CACNA1B: variants seen among roughly 807,000 people sequenced by gnomAD.
CACNA1B encodes the protein calcium voltage-gated channel subunit alpha1 B, also known as voltage-dependent N-type calcium channel subunit alpha-1B.
Under a neutral mutation model 247.2 loss-of-function variants are expected in CACNA1B, and 70 were observed. The ratio of observed to expected loss-of-function variants is 0.28; its 90% CI spans 0.23 to 0.35. The LOEUF is 0.35. Ranked by LOEUF, CACNA1B falls within the 10% of genes least tolerant of loss-of-function variation. The pLI, the probability that CACNA1B is intolerant of heterozygous loss-of-function variation, is 1.00. For missense variants in CACNA1B, 2,367 were observed against 3,197.4 expected (o/e 0.74, Z 6.26); for synonymous variants, 1,231 against 1,294.4 (o/e 0.95, Z 1.05).
chr9:138,115,421 G>T, intron 41 of CACNA1B, 131 bp from the exon 42 acceptor site: 1 of 937,314 alleles, frequency 1.1e-6, no homozygotes, highest in East Asian at 2.7e-5. Flanking sequence ...CCCTTGCTAA[G>T]GGGAAAGAGC....
At chr9:138,003,394 A>G (rs943611545) in intron 15 of CACNA1B, among the ~76,000 whole-genome samples, 2 of 151,706 alleles carry the variant, frequency 1.3e-5, no homozygotes, top group Non-Finnish European at 2.9e-5. Flanking sequence ...GCTGGTCTCT[A>G]TCTCCAAAGT....
At chr9:137,959,988 G>C (rs187954803) in intron 10 of CACNA1B, among the ~76,000 whole-genome samples, 1 of 152,084 alleles carries the variant, frequency 6.6e-6, no homozygotes, top group South Asian at 2.1e-4. Context: ...GCCATAGAAG[G>C]CCTGAGGAAA....
intron 6 of CACNA1B, among the ~76,000 whole-genome samples, chr9:137,949,101 TTTGTGGTGGCTGTGTGTCC>T (rs1338508586): frequency 6.6e-3 from 14 of 2,128 alleles, no homozygotes; most frequent in South Asian, 0.014. Context: ...TGTGTGCATG[TTTGTGGTGGCTGTGTGTCC>T]AGTGTGTGTG....
intron 34 of CACNA1B, among the ~76,000 whole-genome samples, chr9:138,075,530 C>T (rs145689367): frequency 2.6e-5 from 4 of 152,350 alleles, no homozygotes; most frequent in East Asian, 1.9e-4. Flanking sequence ...TCCTGTGTTA[C>T]GTGTGGCAGA....
rs1957929348 is a variant in CACNA1B at position 137,954,941 on chromosome 9, CTG to C, written c.1071-754_1071-753del. Among the ~76,000 whole-genome samples the C allele has an allele frequency of 6.6e-6, 1 of 151,032 alleles. No homozygotes were observed. Among genetic ancestry groups the C allele is most frequent in the Non-Finnish European group, 1.5e-5 (1 of 67,870 alleles). On this transcript the variant is annotated intron_variant, in intron 7 of 46. Transcript: ENST00000371372. The surrounding 1 kb of genome is among the most constrained non-coding windows in gnomAD (Gnocchi z 4.1). ...GAGAGAGAATGGCTTGCTTCTGGCACTGTGAGCCTTAAAGCTTGGCCAGGAGG... is the reference window on the plus strand; with the variant it reads ...GAGAGAGAATGGCTTGCTTCTGGCACTGAGCCTTAAAGCTTGGCCAGGAGG...
chr9:137,986,567 G>A lies in CACNA1B; in HGVS notation c.1901+23G>A, dbSNP rs762187877. ...ACAGTAAGTGGGCCCGGGAGGGAGAGCTCAAGGCTGGGGGCTTGCAGGGAA... is the reference window on the plus strand; with the variant it reads ...ACAGTAAGTGGGCCCGGGAGGGAGAACTCAAGGCTGGGGGCTTGCAGGGAA... On this transcript the variant is annotated intron_variant, in intron 14 of 46. Transcript: ENST00000371372. This position sits in a 1 kb window ranked among gnomAD's most constrained non-coding sequence, Gnocchi z 6.0. 6 of 1,613,148 alleles carry A rather than the reference G, an allele frequency of 3.7e-6. No individual in the cohort carries two copies. Among genetic ancestry groups the A allele is most frequent in the Non-Finnish European group, 3.4e-6 (4 of 1,179,528 alleles).
intron 20 of CACNA1B, among the ~76,000 whole-genome samples, chr9:138,034,849 G>A (rs1381118248): frequency 3.9e-5 from 6 of 152,156 alleles, no homozygotes; most frequent in Admixed American, 3.9e-4. Context: ...GGTCCACTGT[G>A]GTCTGAAAAT....
chr9:138,044,950 G>T (rs571058288), intron 21 of CACNA1B, among the ~76,000 whole-genome samples: 1 of 152,380 alleles, frequency 6.6e-6, no homozygotes, highest in African/African-American at 2.4e-5. Flanking sequence ...AGGACTGACA[G>T]TGCAGTGGCA....
At chr9:137,947,816 C>T (rs374926547) in intron 6 of CACNA1B, among the ~76,000 whole-genome samples, 3 of 152,004 alleles carry the variant, frequency 2.0e-5, no homozygotes. Context: ...TTGTTTTCCC[C>T]ATATAGGTAT....
At chr9:137,927,189 C>A (rs1287280037) in intron 6 of CACNA1B, among the ~76,000 whole-genome samples, 3 of 151,244 alleles carry the variant, frequency 2.0e-5, no homozygotes, top group Non-Finnish European at 2.9e-5. Context: ...GGTCTTTGAT[C>A]CATTTTTTAT....
At chr9:137,984,022 A>G (rs1247892603) in intron 12 of CACNA1B, 116 bp from the exon 13 acceptor site, 2 of 731,072 alleles carry the variant, frequency 2.7e-6, no homozygotes, top group Non-Finnish European at 4.8e-6. Context: ...TTGTCAGACA[A>G]GGAAGCAGGA....
rs7034745 is a variant in CACNA1B at position 137,986,862 on chromosome 9, A to T, written c.1974+8A>T. 2.5e-6 allele frequency: 4 copies of T among 1,610,276 alleles called. No individual in the cohort carries two copies. In the African/African-American group the frequency reaches 5.4e-5, roughly 22 times the overall value. The stretch of plus-strand genomic sequence containing the variant: ...ATCCTCACTGTCTTCCAGGTAAGGC[A>T]CCTGCTCTGCACATTTGCGGCCTGC... On this transcript the variant is annotated splice_region_variant and intron_variant, in intron 15 of 46. Coordinates refer to ENST00000371372, the MANE Select transcript of CACNA1B (RefSeq NM_000718.4). The surrounding 1 kb of genome is among the most constrained non-coding windows in gnomAD (Gnocchi z 6.0).
chr9:137,987,036 A>AGGTCCGGG (rs2133383688), intron 15 of CACNA1B, among the ~76,000 whole-genome samples, 182 bp downstream of exon 15: 1 of 152,330 alleles, frequency 6.6e-6, no homozygotes, highest in South Asian at 2.1e-4. Flanking sequence ...GCAGATCTCC[A>AGGTCCGGG]GGTCCGGGGG....
At chr9:137,878,839 C>A (rs112664609) in intron 1 of CACNA1B, among the ~76,000 whole-genome samples, 3 of 152,064 alleles carry the variant, frequency 2.0e-5, no homozygotes, top group Non-Finnish European at 4.4e-5. Flanking sequence ...GGCTGGCGGC[C>A]CAGACTGCGG....
chr9:138,015,651 G>C (rs920844495), intron 18 of CACNA1B, among the ~76,000 whole-genome samples: 3 of 152,228 alleles, frequency 2.0e-5, no homozygotes, highest in Admixed American at 6.5e-5. Flanking sequence ...GGAGGACTTG[G>C]GGTGTCCTTG....
At chr9:137,958,942 C>G (rs1957980014) in intron 10 of CACNA1B, among the ~76,000 whole-genome samples, 1 of 152,106 alleles carries the variant, frequency 6.6e-6, no homozygotes, top group Non-Finnish European at 1.5e-5. Flanking sequence ...CCTTTGGTGA[C>G]TCTTCCCATA....
rs1404389216 is a variant in CACNA1B, at chr9:137,889,502, C to T, written c.530+6619C>T. Among the ~76,000 whole-genome samples, 3 of 145,912 alleles carry T rather than the reference C, an allele frequency of 2.1e-5. 1 individual carries two copies. The highest frequency in any genetic ancestry group is 4.6e-5 in the Non-Finnish European group (3 of 64,798). On this transcript the variant is annotated intron_variant, in intron 3 of 46. Coordinates refer to ENST00000371372, the MANE Select transcript of CACNA1B (RefSeq NM_000718.4). ...GGGCTGGGGCTGGGATCACTCCAGG[C>T]ATTGCCTGACTGGGGGCTCCACAGC...
intron 6 of CACNA1B, among the ~76,000 whole-genome samples, chr9:137,938,533 C>T (rs2133314999): frequency 6.6e-6 from 1 of 152,160 alleles, no homozygotes; most frequent in South Asian, 2.1e-4. Flanking sequence ...ACATAAGACT[C>T]ATAAACTTAA....
Position 137,878,653 on chromosome 9 carries a change from T to C in CACNA1B, c.285-401T>C, listed in dbSNP as rs916039380. On this transcript the variant is annotated intron_variant, in intron 1 of 46. Coordinates refer to ENST00000371372, the MANE Select transcript of CACNA1B (RefSeq NM_000718.4). ...GATGCGGGCTACATGCATGTTCACG[T>C]GCCTGTGTAGGTACATGTGGCTGCG... 2.0e-5 allele frequency among the ~76,000 whole-genome samples: 3 copies of C among 152,144 alleles called. No homozygotes were observed. The East Asian group carries it at 5.8e-4, about 29-fold the overall frequency.
Sources: gnomAD v4.1 joint callset for allele counts (sites outside exome capture counted in the v4.1 genomes callset) on GRCh38, gnomAD v4.1.1 for gene constraint, Gnocchi (gnomAD v3.1) non-coding constraint, MANE v1.5 for transcripts, NCBI Gene and HGNC (gene_info 2026-07-23, HGNC 2026-07-21) for gene names.